The following COL18A1 variants were observed in gnomAD, a reference collection of about 807,000 sequenced individuals.
COL18A1 encodes collagen alpha-1(XVIII) chain.
A neutral mutation model predicts 168.0 loss-of-function variants in COL18A1; 133 were observed. The ratio of observed to expected loss-of-function variants is 0.79; its 90% CI spans 0.69 to 0.91. COL18A1 has a LOEUF of 0.91. COL18A1 is among the 40% of genes least tolerant of loss of function. The pLI, the probability that COL18A1 is intolerant of heterozygous loss-of-function variation, is 0.00. For missense variants in COL18A1, 2,126 were observed against 1,925.4 expected, an observed-to-expected ratio of 1.10 and a Z score of -1.95; for synonymous variants, 949 against 809.0, an observed-to-expected ratio of 1.17 and a Z score of -2.94.
chr21:45,482,679 C>T (rs1364424663), intron 14 of COL18A1, 116 bp from the exon 15 acceptor site: 5 of 1,478,968 alleles, frequency 3.4e-6, no homozygotes, highest in African/African-American at 2.8e-5. Flanking sequence ...TAAACCGGCA[C>T]AGGCAGCAAA....
chr21:45,497,177 TGAG>T (rs2036571736), intron 31 of COL18A1, 85 bp downstream of exon 31: 2 of 908,266 alleles, frequency 2.2e-6, no homozygotes, highest in Non-Finnish European at 3.6e-6. Flanking sequence ...CCAGCAGCAG[TGAG>T]ACTCCCCCAG....
chr21:45,427,817 C>T (rs540018133), intron 2 of COL18A1, among the ~76,000 whole-genome samples: 154 of 152,284 alleles, frequency 1.0e-3, no homozygotes, highest in African/African-American at 3.6e-3. Flanking sequence ...TGAGAACCAG[C>T]GGAAGGGGGG....
At chr21:45,496,665 T>G in intron 30 of COL18A1, 97 bp downstream of exon 30, 1 of 775,462 alleles carries the variant, frequency 1.3e-6, no homozygotes, top group Non-Finnish European at 2.4e-6. Flanking sequence ...GGCCTCTGCG[T>G]CTGGGGGTCC....
chr21:45,482,243 G>A (rs529115558), intron 14 of COL18A1: 8 of 623,762 alleles, frequency 1.3e-5, no homozygotes, highest in Admixed American at 7.8e-5. Context: ...GTGGACTCAC[G>A]GGTTTTAAGA....
intron 16 of COL18A1, among the ~76,000 whole-genome samples, 165 bp downstream of exon 16, chr21:45,487,157 C>T (rs1270608088): frequency 3.9e-5 from 6 of 152,228 alleles, no homozygotes; most frequent in Non-Finnish European, 8.8e-5. Context: ...GCTCGAGTCT[C>T]TCGCCCGTCG....
At chr21:45,442,926 G>A (rs1352720378) in intron 2 of COL18A1, among the ~76,000 whole-genome samples, 2 of 108,808 alleles carry the variant, frequency 1.8e-5, no homozygotes, top group Non-Finnish European at 1.8e-5. Context: ...TGGTGTGGGC[G>A]GTGGTGGTGC....
At chr21:45,494,230 A>G (rs2036454918) in intron 26 of COL18A1, 1 of 500,394 alleles carries the variant, frequency 2.0e-6, no homozygotes, top group African/African-American at 2.1e-5. Context: ...CAACCAGGAC[A>G]CTGCGTGGCA....
Position 45,423,604 on chromosome 21 carries a change from C to A in COL18A1, c.106+18131C>A, listed in dbSNP as rs981193712. ...GGTCAGCCCAGGTTGTCCCCACCCC[C>A]ACCTGAGTTACTGCGGAACCAAGGG... On this transcript the variant is annotated intron_variant, in intron 2 of 41. Coordinates refer to ENST00000651438, the MANE Select transcript of COL18A1 (RefSeq NM_001379500.1). The surrounding 1 kb of genome is among the most constrained non-coding windows in gnomAD (Gnocchi z 4.0). Among the ~76,000 whole-genome samples, 2 of 152,156 alleles carry A rather than the reference C, an allele frequency of 1.3e-5. No homozygotes were observed. Among genetic ancestry groups the A allele is most frequent in the Non-Finnish European group, 2.9e-5 (2 of 68,022 alleles).
At position 45,511,243 on chromosome 21, in the gene COL18A1, G is replaced by A. The variant is rs374735300; in HGVS notation, c.3809+17G>A. ...CCCCACCTGGTAGGTTCCCAGTGCC[G>A]TGTGAGCAGCTCTGAGAGCCCCAGC... On this transcript the variant is annotated intron_variant, in intron 41 of 41. Transcript: ENST00000651438. 1.4e-3 allele frequency: 1,934 copies of A among 1,387,522 alleles called. 4 individuals carry two copies. The highest frequency in any genetic ancestry group is 1.7e-3 in the Non-Finnish European group (1,674 of 992,058). The allele number at this position is 1,387,522 out of a possible 1,614,324, so 86.0% of individuals were successfully genotyped here.
intron 21 of COL18A1, 141 bp from the exon 22 acceptor site, chr21:45,491,084 G>A (rs2036324270): frequency 1.2e-6 from 1 of 857,056 alleles, no homozygotes; most frequent in South Asian, 1.4e-5. Flanking sequence ...CTGGCAGGGG[G>A]CTCCAAGGCC....
intron 15 of COL18A1, among the ~76,000 whole-genome samples, chr21:45,486,265 C>T (rs557826402): frequency 1.3e-4 from 19 of 149,800 alleles, no homozygotes; most frequent in African/African-American, 4.0e-4. Flanking sequence ...CCTTGCCTGC[C>T]GGGGAGCCAG....
chr21:45,452,493 A>G (rs547060461), intron 2 of COL18A1, among the ~76,000 whole-genome samples: 39 of 149,208 alleles, frequency 2.6e-4, no homozygotes, highest in Admixed American at 8.0e-4. Flanking sequence ...TTCTGTATGC[A>G]TGTGTGTATT....
intron 32 of COL18A1, among the ~76,000 whole-genome samples, chr21:45,499,618 G>A (rs1292557597): frequency 3.2e-5 from 4 of 125,184 alleles, no homozygotes; most frequent in Admixed American, 8.4e-5. Context: ...AGAGGCTCCC[G>A]CAGGAACCGG....
rs192140762 is a variant in COL18A1, at chr21:45,414,329, G to A, written c.106+8856G>A. On this transcript the variant is annotated intron_variant, in intron 2 of 41. Coordinates refer to ENST00000651438, the MANE Select transcript of COL18A1 (RefSeq NM_001379500.1). ...TTGATGCGGGGTCTCTGATCCCCTCGGGGCAGCAGGACATCCCTGTTTTCC... is the reference window on the plus strand; with the variant it reads ...TTGATGCGGGGTCTCTGATCCCCTCAGGGCAGCAGGACATCCCTGTTTTCC... Among the ~76,000 whole-genome samples the A allele has an allele frequency of 5.3e-5, 8 of 152,296 alleles. No homozygotes were observed. The East Asian group carries it at 7.7e-4, about 15-fold the overall frequency.
Position 45,512,703 on chromosome 21 carries a change from C to T in COL18A1, c.*305C>T, listed in dbSNP as rs540888320. On this transcript the variant is annotated 3_prime_UTR_variant, in exon 42 of 42. Coordinates refer to ENST00000651438, the MANE Select transcript of COL18A1 (RefSeq NM_001379500.1). ...GCAACCTCTTGGCCTGATCAGACCA[C>T]GGCTCGATTTCTCCAGGATTTCCTG... The T allele has an allele frequency of 1.3e-4, 61 of 461,676 alleles. No homozygotes were observed. The highest frequency in any genetic ancestry group is 1.9e-4 in the Non-Finnish European group (49 of 251,454). 28.6% of individuals were successfully genotyped at this position (461,676 alleles called of 1,614,324 possible). A position where few individuals can be genotyped will look rare whatever the true frequency, so the allele number is the denominator to read the frequency against.
chr21:45,421,353 G>A, intron 2 of COL18A1: 1 of 520,442 alleles, frequency 1.9e-6, no homozygotes, highest in Non-Finnish European at 4.0e-6. Context: ...AGAACCACAG[G>A]CCTCAGGAGA....
At position 45,512,597 on chromosome 21, in the gene COL18A1, G is replaced by A; in HGVS notation, c.*199G>A. On this transcript the variant is annotated 3_prime_UTR_variant, in exon 42 of 42. Transcript: ENST00000651438. ...TTTTAAAAGTTTAAAACAGAAGCCT[G>A]ATGCTGACATTCACCTGCCCCAACT... 3 of 626,100 alleles carry A rather than the reference G, an allele frequency of 4.8e-6. No homozygotes were observed. Among genetic ancestry groups the A allele is most frequent in the South Asian group, 3.9e-5 (2 of 51,382 alleles). 38.8% of individuals were successfully genotyped at this position (626,100 alleles called of 1,614,324 possible). A position where few individuals can be genotyped will look rare whatever the true frequency, so the allele number is the denominator to read the frequency against.
intron 2 of COL18A1, chr21:45,421,323 T>A (rs754007929): frequency 2.1e-6 from 1 of 478,112 alleles, no homozygotes; most frequent in Non-Finnish European, 4.3e-6. Flanking sequence ...CGGTCACGCT[T>A]GCACGGGGCA....
chr21:45,446,019 T>C (rs542563870), intron 2 of COL18A1, among the ~76,000 whole-genome samples: 161 of 152,336 alleles, frequency 1.1e-3, no homozygotes, highest in African/African-American at 3.8e-3. Context: ...TTTTGCCAAA[T>C]CCAAGGTTAT....
Sources: allele counts gnomAD v4.1 joint callset (sites outside exome capture counted in the v4.1 genomes callset), GRCh38; gene constraint gnomAD v4.1.1; non-coding constraint Gnocchi (gnomAD v3.1); transcripts MANE v1.5; gene names NCBI Gene and HGNC (gene_info 2026-07-23, HGNC 2026-07-21).